The following PRKCB variants were observed in gnomAD, a reference collection of about 807,000 sequenced individuals.
PRKCB encodes protein kinase C beta type.
PRKCB carries 13 observed loss-of-function variants against 81.5 expected under a neutral mutation model. The ratio of observed to expected loss-of-function variants is 0.16; its 90% CI spans 0.10 to 0.25. The LOEUF (loss-of-function observed/expected upper bound fraction) is 0.25. Ranked by LOEUF, PRKCB falls within the 10% of genes least tolerant of loss-of-function variation. The pLI, the probability that PRKCB is intolerant of heterozygous loss-of-function variation, is 1.00. For synonymous variants in PRKCB, 335 were observed against 321.4 expected (o/e 1.04, Z -0.45); for missense variants, 509 against 875.7 (o/e 0.58, Z 5.29).
chr16:23,878,863 C>G lies in PRKCB; in HGVS notation c.205+41457C>G, dbSNP rs76784920. Among the ~76,000 whole-genome samples, 925 of 152,120 alleles carry G rather than the reference C, an allele frequency of 6.1e-3. 13 individuals are homozygous for G. Among genetic ancestry groups the G allele is most frequent in the African/African-American group, 0.021 (877 of 41,504 alleles). ...AGGCTTTGTCATTCTGGGTGCACAG[C>G]CTGCGTCCTTAAGAGGCAATGTAGT... On this transcript the variant is annotated intron_variant, in intron 2 of 16. Transcript: ENST00000643927.
chr16:23,916,156 C>T (rs1274763713), intron 2 of PRKCB, among the ~76,000 whole-genome samples: 1 of 151,494 alleles, frequency 6.6e-6, no homozygotes, highest in Non-Finnish European at 1.5e-5. Flanking sequence ...TGGGCTCAAG[C>T]GATTCTCCCA....
chr16:23,895,363 T>G (rs1217403986), intron 2 of PRKCB, among the ~76,000 whole-genome samples: 3 of 152,148 alleles, frequency 2.0e-5, no homozygotes, highest in African/African-American at 7.2e-5. Context: ...TATTCTTCAG[T>G]TCAACTTTTT....
At chr16:24,153,121 G>A (rs995345340) in intron 9 of PRKCB, among the ~76,000 whole-genome samples, 3 of 152,172 alleles carry the variant, frequency 2.0e-5, no homozygotes, top group Admixed American at 6.5e-5. Flanking sequence ...TAAGAGCTGA[G>A]TGGGGTGTGC....
At chr16:23,952,926 C>T (rs1334443076) in intron 2 of PRKCB, among the ~76,000 whole-genome samples, 1 of 152,022 alleles carries the variant, frequency 6.6e-6, no homozygotes, top group Non-Finnish European at 1.5e-5. Context: ...GAGTGAGTGC[C>T]GTGGGTTTAG....
chr16:24,034,237 T>C (rs1452552738), intron 4 of PRKCB, among the ~76,000 whole-genome samples: 3 of 152,168 alleles, frequency 2.0e-5, no homozygotes, highest in African/African-American at 7.2e-5. Context: ...CCCAGAGGGC[T>C]CTCCCTTCCC....
chr16:23,956,098 AAAAG>A (rs1255500140), intron 2 of PRKCB, among the ~76,000 whole-genome samples: 1 of 152,170 alleles, frequency 6.6e-6, no homozygotes, highest in Non-Finnish European at 1.5e-5. Context: ...AATAAACAAA[AAAAG>A]AGATCATATC....
At chr16:23,920,294 C>T (rs1450250843) in intron 2 of PRKCB, among the ~76,000 whole-genome samples, 1 of 152,112 alleles carries the variant, frequency 6.6e-6, no homozygotes, top group Non-Finnish European at 1.5e-5. Context: ...TATGTGTCTT[C>T]TTTGGAGAAA....
At position 23,875,556 on chromosome 16, in the gene PRKCB, C is replaced by CAA. The variant is rs1391078463; in HGVS notation, c.205+38151_205+38152insAA. On this transcript the variant is annotated intron_variant, in intron 2 of 16. Transcript: ENST00000643927. ...ATATCACACACATATGTATGTATAT[C>CAA]ACACACATGTGTATATCAAACACAT... Among the ~76,000 whole-genome samples, 238 of 39,684 alleles carry CAA rather than the reference C, an allele frequency of 6.0e-3. 21 individuals carry two copies. The highest frequency in any genetic ancestry group is 0.02 in the Middle Eastern group (1 of 50). 26.0% of individuals were successfully genotyped at this position (39,684 alleles called of 152,430 possible).
At chr16:24,064,985 G>GGT (rs921648314) in intron 5 of PRKCB, among the ~76,000 whole-genome samples, 67 of 146,550 alleles carry the variant, frequency 4.6e-4, no homozygotes, top group African/African-American at 1.4e-3. Context: ...AATGTTTTAT[G>GGT]GTGTGTGTGT....
intron 2 of PRKCB, among the ~76,000 whole-genome samples, chr16:23,971,179 AC>A (rs1359060227): frequency 1.3e-5 from 2 of 152,222 alleles, no homozygotes; most frequent in South Asian, 4.1e-4. Context: ...GGCAGTAGTT[AC>A]CATCATTGTC....
chr16:24,112,241 G>T (rs1277614660), intron 7 of PRKCB, among the ~76,000 whole-genome samples: 1 of 152,230 alleles, frequency 6.6e-6, no homozygotes, highest in African/African-American at 2.4e-5. Context: ...TGCTGGAAGA[G>T]CATGACAAGA....
At position 24,217,110 on chromosome 16, in the gene PRKCB, A is replaced by G. The variant is rs967740263; in HGVS notation, c.*2294A>G. The G allele has an allele frequency of 1.0e-5, 10 of 984,282 alleles. No homozygotes were observed. The highest frequency in any genetic ancestry group is 8.4e-6 in the Non-Finnish European group (7 of 829,204). 61.0% of individuals were successfully genotyped at this position (984,282 alleles called of 1,614,324 possible). ...AGAGAAAGAAAGGAAAGAAAGAAGA[A>G]AAAGAAAGAAGGAAAGAAAGAAAGA... On this transcript the variant is annotated 3_prime_UTR_variant, in exon 17 of 17. Coordinates refer to ENST00000643927, the MANE Select transcript of PRKCB (RefSeq NM_002738.7).
intron 3 of PRKCB, among the ~76,000 whole-genome samples, chr16:24,026,272 A>G (rs4238962): frequency 0.41 from 62,027 of 152,076 alleles, 12,970 homozygotes; most frequent in South Asian, 0.62. Context: ...TCCAGCCTGC[A>G]TGACAGAGCA....
chr16:24,134,698 G>A (rs576859438), intron 9 of PRKCB, among the ~76,000 whole-genome samples: 20 of 151,784 alleles, frequency 1.3e-4, no homozygotes, highest in Non-Finnish European at 2.5e-4. Context: ...GCAGTGAGTC[G>A]AGATCATGTC....
At chr16:24,109,934 G>A (rs1381324784) in intron 7 of PRKCB, among the ~76,000 whole-genome samples, 3 of 126,534 alleles carry the variant, frequency 2.4e-5, no homozygotes, top group Admixed American at 7.8e-5. Context: ...GCGAAACCCC[G>A]TCTCCACCAA....
intron 5 of PRKCB, among the ~76,000 whole-genome samples, chr16:24,036,735 C>G (rs941346650): frequency 1.3e-5 from 2 of 152,130 alleles, no homozygotes; most frequent in African/African-American, 2.4e-5. Flanking sequence ...CGCCTGCCTC[C>G]CAGTGTGATG....
At chr16:24,145,532 CAA>C (rs772980700) in intron 9 of PRKCB, among the ~76,000 whole-genome samples, 1 of 152,196 alleles carries the variant, frequency 6.6e-6, no homozygotes, top group Non-Finnish European at 1.5e-5. Context: ...CTCAGATCAG[CAA>C]AGAGGTTGAA....
intron 2 of PRKCB, among the ~76,000 whole-genome samples, chr16:23,885,797 GC>G: frequency 6.6e-6 from 1 of 152,188 alleles, no homozygotes; most frequent in East Asian, 1.9e-4. Context: ...GAGGAAGCTG[GC>G]GGGGAAATAT....
intron 9 of PRKCB, among the ~76,000 whole-genome samples, chr16:24,129,779 G>A (rs191406035): frequency 8.8e-4 from 134 of 152,128 alleles, no homozygotes; most frequent in African/African-American, 3.1e-3. Context: ...AAAAATAAAA[G>A]CAAATTATGG....
Sources: allele counts gnomAD v4.1 joint callset (sites outside exome capture counted in the v4.1 genomes callset), GRCh38; gene constraint gnomAD v4.1.1; transcripts MANE v1.5; gene names NCBI Gene and HGNC (gene_info 2026-07-23, HGNC 2026-07-21).